EYS: variants seen among roughly 807,000 people sequenced by gnomAD.
EYS encodes the protein EGF-like photoreceptor maintenance factor.
A neutral mutation model predicts 282.1 loss-of-function variants in EYS; 250 were observed. The ratio of observed to expected loss-of-function variants is 0.89; its 90% CI spans 0.80 to 0.98. EYS has a LOEUF of 0.98. Ranked by LOEUF, EYS falls within the 50% of genes least tolerant of loss-of-function variation. The pLI is 0.00. For synonymous variants in EYS, 1,355 were observed against 1,282.9 expected (o/e 1.06, Z -1.20); for missense variants, 4,016 against 3,709.0 (o/e 1.08, Z -2.15).
intron 30 of EYS, among the ~76,000 whole-genome samples, chr6:64,274,480 C>A (rs1291944678): frequency 1.8e-4 from 6 of 32,770 alleles, no homozygotes; most frequent in African/African-American, 5.6e-4. Context: ...CACGCCTGGC[C>A]GTTTTTTTTT....
intron 22 of EYS, among the ~76,000 whole-genome samples, chr6:64,670,723 CAAAAA>C (rs1769426621): frequency 6.6e-6 from 1 of 152,048 alleles, no homozygotes; most frequent in African/African-American, 2.4e-5. Context: ...GTCCTAGTGC[CAAAAA>C]ATGGCCAAAG....
chr6:64,628,763 A>T (rs1305482642), intron 22 of EYS, among the ~76,000 whole-genome samples: 2 of 152,200 alleles, frequency 1.3e-5, no homozygotes, highest in Non-Finnish European at 2.9e-5. Flanking sequence ...AAAGGAAAAA[A>T]ACTACTTACC....
At position 64,617,861 on chromosome 6, in the gene EYS, T is replaced by A. The variant is rs550502747; in HGVS notation, c.3569-328A>T. ...CATTACATATTCAAATGTCTTTACTTATTTTACTTTGGAATAAATACATGG... is the reference window on the plus strand; with the variant it reads ...CATTACATATTCAAATGTCTTTACTAATTTTACTTTGGAATAAATACATGG... On this transcript the variant is annotated intron_variant, in intron 23 of 42. Coordinates refer to ENST00000503581, the MANE Select transcript of EYS (RefSeq NM_001142800.2). Among the ~76,000 whole-genome samples the A allele has an allele frequency of 3.9e-5, 6 of 152,330 alleles. No individual in the cohort carries two copies. In the East Asian group the frequency reaches 7.7e-4, roughly 20 times the overall value.
At chr6:65,325,653 G>A (rs1010938785) in intron 11 of EYS, among the ~76,000 whole-genome samples, 1 of 151,972 alleles carries the variant, frequency 6.6e-6, no homozygotes, top group Non-Finnish European at 1.5e-5. Context: ...GAGGAGAAGG[G>A]GTCTAAAATA....
chr6:64,379,312 T>G (rs1352060726), intron 29 of EYS, among the ~76,000 whole-genome samples: 1 of 152,168 alleles, frequency 6.6e-6, no homozygotes, highest in Non-Finnish European at 1.5e-5. Flanking sequence ...TAGACCACAC[T>G]GCAAAATTAA....
intron 1 of EYS, among the ~76,000 whole-genome samples, chr6:65,656,241 T>C (rs1016730247): frequency 3.3e-5 from 5 of 151,888 alleles, no homozygotes; most frequent in Non-Finnish European, 7.4e-5. Context: ...AACTCTACAA[T>C]AGCCTTTAAA....
intron 13 of EYS, among the ~76,000 whole-genome samples, chr6:65,014,441 C>T (rs1206804034): frequency 6.6e-6 from 1 of 152,118 alleles, no homozygotes; most frequent in Non-Finnish European, 1.5e-5. Flanking sequence ...ATATAAGGGC[C>T]ACTAAGACAT....
In EYS at chr6:63,777,916, T is replaced by A. The variant is rs933309653; in HGVS notation, c.7898+90A>T. 78 of 1,197,234 alleles carry A rather than the reference T, an allele frequency of 6.5e-5. No individual in the cohort carries two copies. The African/African-American group carries it at 1.1e-3, about 17-fold the overall frequency. 74.2% of individuals were successfully genotyped at this position (1,197,234 alleles called of 1,614,324 possible). On this transcript the variant is annotated intron_variant, in intron 40 of 42. Transcript: ENST00000503581. ...TTTAAATATGTGCATCTGTTTGTGT[T>A]CCTAGTTTGTACAAGTGGAATGACA...
chr6:63,941,759 A>C (rs1765249971), intron 35 of EYS, among the ~76,000 whole-genome samples: 1 of 152,056 alleles, frequency 6.6e-6, no homozygotes, highest in Non-Finnish European at 1.5e-5. Flanking sequence ...CCCCTTACCT[A>C]TACAGCTGCT....
intron 12 of EYS, among the ~76,000 whole-genome samples, chr6:65,238,686 C>G (rs1267074232): frequency 6.6e-6 from 1 of 151,958 alleles, no homozygotes; most frequent in Admixed American, 6.6e-5. Flanking sequence ...CATTCTTGAA[C>G]TCCTCTCAAA....
intron 33 of EYS, among the ~76,000 whole-genome samples, chr6:64,061,617 A>AT (rs1771173407): frequency 6.6e-6 from 1 of 152,244 alleles, no homozygotes; most frequent in African/African-American, 2.4e-5. Flanking sequence ...TAATAACAGA[A>AT]TAAAAAATAA....
chr6:64,774,994 T>C (rs140428187), intron 22 of EYS, among the ~76,000 whole-genome samples: 17 of 152,102 alleles, frequency 1.1e-4, no homozygotes, highest in African/African-American at 3.9e-4. Context: ...CTAGTGCCTA[T>C]CAGATAAGTA....
chr6:64,055,952 A>G (rs1331916715), intron 33 of EYS, among the ~76,000 whole-genome samples: 1 of 152,060 alleles, frequency 6.6e-6, no homozygotes, highest in Non-Finnish European at 1.5e-5. Flanking sequence ...CATCAGCCTC[A>G]ATCAGTTACG....
intron 36 of EYS, chr6:63,857,338 G>C (rs1772420837): frequency 6.5e-6 from 1 of 153,498 alleles, no homozygotes. Flanking sequence ...TTAGTCCCAT[G>C]GCCACATTTT....
chr6:64,313,538 C>T (rs964900353), intron 29 of EYS, among the ~76,000 whole-genome samples: 1 of 152,000 alleles, frequency 6.6e-6, no homozygotes, highest in Non-Finnish European at 1.5e-5. Context: ...GAGAACACCA[C>T]AAAGATACTC....
intron 26 of EYS, among the ~76,000 whole-genome samples, chr6:64,512,363 T>C (rs1435806074): frequency 6.6e-6 from 1 of 152,026 alleles, no homozygotes; most frequent in Admixed American, 6.6e-5. Context: ...ATACGCAATC[T>C]ATTTCATAGG....
intron 5 of EYS, among the ~76,000 whole-genome samples, chr6:65,409,821 T>C (rs374379793): frequency 1.3e-5 from 2 of 152,102 alleles, no homozygotes; most frequent in African/African-American, 4.8e-5. Context: ...GCTTAGATTA[T>C]ATAATATTAA....
intron 31 of EYS, among the ~76,000 whole-genome samples, chr6:64,138,740 C>T (rs1355360128): frequency 1.3e-5 from 2 of 152,140 alleles, no homozygotes; most frequent in African/African-American, 4.8e-5. Flanking sequence ...CCTGCTTGTA[C>T]AAGTGGAAAA....
chr6:64,585,451 C>T (rs971984145), intron 26 of EYS, among the ~76,000 whole-genome samples: 6 of 152,088 alleles, frequency 3.9e-5, no homozygotes, highest in Non-Finnish European at 8.8e-5. Flanking sequence ...CACACATACC[C>T]ACTGTATCTA....
Sources: gnomAD v4.1 joint callset for allele counts (sites outside exome capture counted in the v4.1 genomes callset) on GRCh38, gnomAD v4.1.1 for gene constraint, MANE v1.5 for transcripts, NCBI Gene and HGNC (gene_info 2026-07-23, HGNC 2026-07-21) for gene names.